AMPH: variants seen among roughly 807,000 people sequenced by gnomAD.
The protein encoded by AMPH is amphiphysin.
AMPH carries 49 observed loss-of-function variants against 99.1 expected under a neutral mutation model. The ratio of observed to expected loss-of-function variants is 0.49; its 90% confidence interval spans 0.39 to 0.63. AMPH has a LOEUF of 0.63. Among genes scored for constraint, AMPH ranks in the 20% least tolerant of loss-of-function variants. AMPH has a pLI of 0.00. For synonymous variants in AMPH, 314 were observed against 317.3 expected (o/e 0.99, Z 0.11); for missense variants, 759 against 863.4 (o/e 0.88, Z 1.52).
At chr7:38,465,027 T>C (rs1245156072) in intron 9 of AMPH, among the ~76,000 whole-genome samples, 1 of 152,212 alleles carries the variant, frequency 6.6e-6, no homozygotes. Flanking sequence ...AGATCTCACC[T>C]ACTTCCTCTT....
At chr7:38,573,964 T>C (rs1792139689) in intron 1 of AMPH, among the ~76,000 whole-genome samples, 1 of 152,236 alleles carries the variant, frequency 6.6e-6, no homozygotes, top group African/African-American at 2.4e-5. Flanking sequence ...GTGAAGTAAC[T>C]TGACCACTTG....
intron 5 of AMPH, among the ~76,000 whole-genome samples, chr7:38,486,013 T>C (rs964218832): frequency 6.6e-6 from 1 of 151,418 alleles, no homozygotes; most frequent in African/African-American, 2.4e-5. Flanking sequence ...AGATCTCAAA[T>C]AAACAACCTA....
At chr7:38,565,466 C>T (rs1791704090) in intron 1 of AMPH, among the ~76,000 whole-genome samples, 1 of 152,098 alleles carries the variant, frequency 6.6e-6, no homozygotes, top group Admixed American at 6.6e-5. Flanking sequence ...TCCCTAGATA[C>T]CTCTTCACAT....
chr7:38,562,998 A>G (rs950686282), intron 1 of AMPH, among the ~76,000 whole-genome samples: 4 of 152,194 alleles, frequency 2.6e-5, no homozygotes, highest in Non-Finnish European at 5.9e-5. Flanking sequence ...CTACATTTGC[A>G]CCCAGTTGGG....
chr7:38,462,440 A>G (rs190304739), intron 10 of AMPH, among the ~76,000 whole-genome samples: 2 of 152,216 alleles, frequency 1.3e-5, no homozygotes, highest in Non-Finnish European at 2.9e-5. Flanking sequence ...TAAAGGTGGT[A>G]GTTTCTCTCT....
chr7:38,423,435 G>T (rs1407548747), intron 15 of AMPH, among the ~76,000 whole-genome samples: 1 of 152,172 alleles, frequency 6.6e-6, no homozygotes, highest in African/African-American at 2.4e-5. Context: ...TGACATCAGG[G>T]GATGCCTAAC....
At chr7:38,621,842 G>A (rs559670441) in intron 1 of AMPH, among the ~76,000 whole-genome samples, 22 of 152,176 alleles carry the variant, frequency 1.4e-4, no homozygotes, top group South Asian at 8.3e-4. Context: ...GGCTTTATAC[G>A]ACATCATTCC....
At chr7:38,441,803 T>TATATC (rs70977405) in intron 11 of AMPH, among the ~76,000 whole-genome samples, 4 of 64,322 alleles carry the variant, frequency 6.2e-5, no homozygotes, top group African/African-American at 1.4e-4. Context: ...ATATATCATA[T>TATATC]ATATATCATA....
chr7:38,433,967 A>G (rs1243763664), intron 12 of AMPH, among the ~76,000 whole-genome samples: 3 of 152,086 alleles, frequency 2.0e-5, no homozygotes, highest in South Asian at 4.1e-4. Flanking sequence ...GGTGATGGGT[A>G]AAGGAGGTCA....
At chr7:38,480,260 T>C (rs1014263655) in intron 5 of AMPH, among the ~76,000 whole-genome samples, 5 of 152,082 alleles carry the variant, frequency 3.3e-5, no homozygotes, top group African/African-American at 1.2e-4. Context: ...GAATTAGAAG[T>C]TGGCCCCAGT....
At position 38,529,000 on chromosome 7, in the gene AMPH, A is replaced by G. The variant is rs547301366; in HGVS notation, c.150+5931T>C. On this transcript the variant is annotated intron_variant, in intron 2 of 20. Coordinates refer to ENST00000356264, the MANE Select transcript of AMPH (RefSeq NM_001635.4). ...TAAGTCCAGAGTTCTAATGCCTTCT[A>G]TAATTTCCCCTATTACACCAGACTA... 9.8e-4 allele frequency among the ~76,000 whole-genome samples: 149 copies of G among 152,210 alleles called. 3 individuals are homozygous for G. In the Middle Eastern group the frequency reaches 0.014, roughly 14 times the overall value.
chr7:38,547,867 T>A (rs1791044029), intron 1 of AMPH, among the ~76,000 whole-genome samples: 1 of 152,126 alleles, frequency 6.6e-6, no homozygotes, highest in Non-Finnish European at 1.5e-5. Context: ...TTCCACTGAA[T>A]ATACAACTTA....
At chr7:38,547,239 A>C (rs1791025475) in intron 1 of AMPH, among the ~76,000 whole-genome samples, 1 of 152,132 alleles carries the variant, frequency 6.6e-6, no homozygotes, top group Admixed American at 6.5e-5. Context: ...AACCCTCCCC[A>C]CAGAGAATCT....
intron 2 of AMPH, among the ~76,000 whole-genome samples, chr7:38,532,257 A>G (rs1453056387): frequency 1.3e-5 from 2 of 152,096 alleles, no homozygotes; most frequent in Non-Finnish European, 2.9e-5. Context: ...TCACTCCACT[A>G]TAATGATTAT....
At chr7:38,429,793 T>C (rs779279461) in intron 14 of AMPH, 49 bp downstream of exon 14, 19 of 1,552,908 alleles carry the variant, frequency 1.2e-5, no homozygotes, top group Non-Finnish European at 1.7e-5. Context: ...ATGTATGTAA[T>C]GCATATCAAA....
At chr7:38,589,524 C>T (rs1792778700) in intron 1 of AMPH, among the ~76,000 whole-genome samples, 1 of 152,170 alleles carries the variant, frequency 6.6e-6, no homozygotes, top group Non-Finnish European at 1.5e-5. Context: ...TCAACCTACC[C>T]CGAGCATCAA....
At chr7:38,422,333 C>T in intron 16 of AMPH, 88 bp downstream of exon 16, 2 of 1,108,750 alleles carry the variant, frequency 1.8e-6, no homozygotes, top group South Asian at 2.9e-5. Context: ...TCTGGATATT[C>T]AAACTCTAGA....
intron 2 of AMPH, among the ~76,000 whole-genome samples, chr7:38,533,385 G>A (rs942934028): frequency 9.2e-5 from 14 of 152,082 alleles, no homozygotes; most frequent in Non-Finnish European, 1.5e-4. Context: ...GATATAACAC[G>A]TTTGCTATCC....
intron 1 of AMPH, among the ~76,000 whole-genome samples, chr7:38,585,954 C>G (rs761080869): frequency 6.6e-6 from 1 of 152,172 alleles, no homozygotes; most frequent in Non-Finnish European, 1.5e-5. Context: ...TTTTTCTAAG[C>G]TTCATCTCTT....
Sources: gnomAD v4.1 joint callset for allele counts (sites outside exome capture counted in the v4.1 genomes callset) on GRCh38, gnomAD v4.1.1 for gene constraint, MANE v1.5 for transcripts, NCBI Gene and HGNC (gene_info 2026-07-23, HGNC 2026-07-21) for gene names.